Variants in TMEM132C observed in about 807,000 individuals in gnomAD.
The protein encoded by TMEM132C is transmembrane protein 132C.
Under a neutral mutation model 61.4 loss-of-function variants are expected in TMEM132C, and 29 were observed. The observed-to-expected ratio is 0.47, with a 90% CI of 0.35 to 0.64. TMEM132C has a LOEUF of 0.64. Ranked by LOEUF, TMEM132C falls within the 30% of genes least tolerant of loss-of-function variation. The pLI, the probability that TMEM132C is intolerant of heterozygous loss-of-function variation, is 0.00. For missense variants in TMEM132C, 1,408 were observed against 1,476.9 expected (o/e 0.95, Z 0.76); for synonymous variants, 656 against 633.1 (o/e 1.04, Z -0.54).
At chr12:128,487,528 A>G (rs1871541660) in intron 2 of TMEM132C, among the ~76,000 whole-genome samples, 1 of 151,870 alleles carries the variant, frequency 6.6e-6, no homozygotes, top group Non-Finnish European at 1.5e-5. Context: ...ATACACAAGC[A>G]CACACGTGAA....
At chr12:128,336,269 C>T (rs1219548928) in intron 1 of TMEM132C, among the ~76,000 whole-genome samples, 22 of 152,162 alleles carry the variant, frequency 1.4e-4, no homozygotes, top group Admixed American at 1.4e-3. Context: ...TATAATACTA[C>T]ATTTAAATAT....
At chr12:128,366,338 G>C (rs1873870799) in intron 1 of TMEM132C, among the ~76,000 whole-genome samples, 1 of 152,210 alleles carries the variant, frequency 6.6e-6, no homozygotes, top group Non-Finnish European at 1.5e-5. Context: ...TTTCCCCCCA[G>C]CGTGGACAAC....
chr12:128,471,567 TA>T (rs1870954243), intron 2 of TMEM132C, among the ~76,000 whole-genome samples: 1 of 152,180 alleles, frequency 6.6e-6, no homozygotes, highest in African/African-American at 2.4e-5. Context: ...TAAAGGGGAT[TA>T]AAATGGGAGG....
At chr12:128,664,116 C>T (rs972053085) in intron 4 of TMEM132C, among the ~76,000 whole-genome samples, 27 of 122,574 alleles carry the variant, frequency 2.2e-4, no homozygotes, top group African/African-American at 7.9e-4. Context: ...GCACACGCAC[C>T]CGCACGCACG....
chr12:128,347,393 G>GTCTCTC (rs1330764900), intron 1 of TMEM132C, among the ~76,000 whole-genome samples: 66 of 116,764 alleles, frequency 5.7e-4, no homozygotes, highest in African/African-American at 2.7e-3. Context: ...GCATGCATAT[G>GTCTCTC]TATGTCTCTC....
intron 1 of TMEM132C, among the ~76,000 whole-genome samples, chr12:128,320,982 T>G (rs770559356): frequency 1.3e-5 from 2 of 151,748 alleles, no homozygotes; most frequent in Non-Finnish European, 2.9e-5. Context: ...TTGCCTGCAA[T>G]AGAAATTGAT....
chr12:128,306,688 T>C, intron 1 of TMEM132C, among the ~76,000 whole-genome samples: 1 of 152,182 alleles, frequency 6.6e-6, no homozygotes, highest in East Asian at 1.9e-4. Flanking sequence ...AAGAAGAACA[T>C]ATAAAAGGAA....
intron 2 of TMEM132C, among the ~76,000 whole-genome samples, chr12:128,426,132 G>A (rs934691402): frequency 1.3e-5 from 2 of 152,194 alleles, no homozygotes; most frequent in Admixed American, 6.5e-5. Context: ...AGTTACAAAT[G>A]GGAATCTGGA....
chr12:128,328,276 G>A (rs1479845254), intron 1 of TMEM132C, among the ~76,000 whole-genome samples: 1 of 152,092 alleles, frequency 6.6e-6, no homozygotes, highest in African/African-American at 2.4e-5. Context: ...AGATGAGCTG[G>A]TAAAAAAGAG....
At chr12:128,478,548 T>C (rs1593067914) in intron 2 of TMEM132C, among the ~76,000 whole-genome samples, 1 of 152,116 alleles carries the variant, frequency 6.6e-6, no homozygotes, top group Admixed American at 6.5e-5. Flanking sequence ...GAGTGGAGAG[T>C]ATTTAAACCC....
At chr12:128,434,363 C>G (rs911605038) in intron 2 of TMEM132C, among the ~76,000 whole-genome samples, 2 of 152,098 alleles carry the variant, frequency 1.3e-5, no homozygotes, top group Admixed American at 1.3e-4. Flanking sequence ...TGCATTGGTG[C>G]GACCTCAGCT....
chr12:128,619,491 C>T (rs1165265599), intron 4 of TMEM132C, among the ~76,000 whole-genome samples: 1 of 152,218 alleles, frequency 6.6e-6, no homozygotes, highest in Non-Finnish European at 1.5e-5. Flanking sequence ...CTTGCTGGTC[C>T]CTGGGCACTC....
intron 3 of TMEM132C, among the ~76,000 whole-genome samples, chr12:128,545,938 T>C (rs1873936077): frequency 6.6e-6 from 1 of 152,240 alleles, no homozygotes; most frequent in Non-Finnish European, 1.5e-5. Context: ...AGTCTATTAC[T>C]GGACACATTT....
intron 4 of TMEM132C, among the ~76,000 whole-genome samples, chr12:128,648,450 G>T (rs1593133522): frequency 6.7e-6 from 1 of 148,840 alleles, no homozygotes; most frequent in Non-Finnish European, 1.5e-5. Flanking sequence ...ATCAGCGTTG[G>T]ATATGAGTGT....
At chr12:128,621,626 T>A (rs1479742174) in intron 4 of TMEM132C, among the ~76,000 whole-genome samples, 1 of 152,186 alleles carries the variant, frequency 6.6e-6, no homozygotes, top group Non-Finnish European at 1.5e-5. Flanking sequence ...TGTTGTTTCA[T>A]CCTCCATCCG....
intron 8 of TMEM132C, among the ~76,000 whole-genome samples, chr12:128,697,624 T>C (rs962603423): frequency 2.0e-5 from 3 of 152,210 alleles, no homozygotes; most frequent in African/African-American, 7.2e-5. Context: ...ACCAAGTCTC[T>C]TGGCTGCCGT....
intron 2 of TMEM132C, among the ~76,000 whole-genome samples, chr12:128,489,374 C>G (rs1041669638): frequency 2.4e-5 from 3 of 124,836 alleles, no homozygotes; most frequent in Non-Finnish European, 5.4e-5. Context: ...AGAATAAAAG[C>G]TGGAAAAAAA....
chr12:128,285,004 C>T lies in TMEM132C; in HGVS notation c.85+17517C>T, dbSNP rs868764419. Among the ~76,000 whole-genome samples, 22 of 152,094 alleles carry T rather than the reference C, an allele frequency of 1.4e-4. No homozygotes were observed. In the South Asian group the frequency reaches 1.5e-3, roughly 10 times the overall value. On this transcript the variant is annotated intron_variant, in intron 1 of 8. Transcript: ENST00000435159. ...AAATAAACACAAAAAATTAGCTGGG[C>T]GTGGTGGTGAGTGCCTTTAGTCCCA...
chr12:128,338,086 CTTT>C (rs3996468), intron 1 of TMEM132C, among the ~76,000 whole-genome samples: 2 of 144,644 alleles, frequency 1.4e-5, no homozygotes, highest in African/African-American at 2.5e-5. Context: ...TTACATCTGG[CTTT>C]TTTTTTTTTT....
Sources: allele counts gnomAD v4.1 joint callset (sites outside exome capture counted in the v4.1 genomes callset), GRCh38; gene constraint gnomAD v4.1.1; transcripts MANE v1.5; gene names NCBI Gene and HGNC (gene_info 2026-07-23, HGNC 2026-07-21).